Variants in GLIS1 observed in about 807,000 individuals in gnomAD.
The protein encoded by GLIS1 is GLIS family zinc finger 1.
Under a neutral mutation model 63.8 loss-of-function variants are expected in GLIS1, and 24 were observed. The ratio of observed to expected loss-of-function variants is 0.38; its 90% CI spans 0.27 to 0.53. The LOEUF (loss-of-function observed/expected upper bound fraction) is 0.53. Among genes scored for constraint, GLIS1 ranks in the 20% least tolerant of loss-of-function variants. GLIS1 has a pLI of 0.85. For missense variants in GLIS1, 1,036 were observed against 1,074.1 expected (o/e 0.96, Z 0.50); for synonymous variants, 450 against 482.5 (o/e 0.93, Z 0.88).
intron 2 of GLIS1, among the ~76,000 whole-genome samples, chr1:53,657,764 G>A (rs1645982722): frequency 6.6e-6 from 1 of 152,140 alleles, no homozygotes; most frequent in African/African-American, 2.4e-5. Context: ...GGAACACAAG[G>A]GTCACCAGGA....
chr1:53,735,765 C>A (rs562532588), intron 2 of GLIS1, among the ~76,000 whole-genome samples: 2 of 152,238 alleles, frequency 1.3e-5, no homozygotes, highest in South Asian at 2.1e-4. Context: ...GGGACTATTT[C>A]GGTGGGAGTA....
intron 3 of GLIS1, among the ~76,000 whole-genome samples, chr1:53,599,268 G>A (rs1254514700): frequency 6.6e-6 from 1 of 152,208 alleles, no homozygotes; most frequent in Non-Finnish European, 1.5e-5. Context: ...AGGTGACTGG[G>A]TTGGGTCATG....
At chr1:53,615,861 GC>G (rs1443765280) in intron 2 of GLIS1, among the ~76,000 whole-genome samples, 1 of 151,930 alleles carries the variant, frequency 6.6e-6, no homozygotes, top group Non-Finnish European at 1.5e-5. Flanking sequence ...AATAACTCAT[GC>G]CTCAGCCTTC....
intron 4 of GLIS1, among the ~76,000 whole-genome samples, chr1:53,548,326 C>T (rs952978924): frequency 6.6e-6 from 1 of 152,232 alleles, no homozygotes; most frequent in Non-Finnish European, 1.5e-5. Context: ...GGTCTGCACA[C>T]AGCACTGAGT....
At chr1:53,562,553 G>A (rs1409173533) in intron 4 of GLIS1, among the ~76,000 whole-genome samples, 9 of 152,114 alleles carry the variant, frequency 5.9e-5, no homozygotes, top group Non-Finnish European at 1.3e-4. Context: ...GCCTGTCAGA[G>A]CTGCAACCCC....
chr1:53,543,456 G>A (rs543794310), intron 4 of GLIS1, among the ~76,000 whole-genome samples: 2 of 151,916 alleles, frequency 1.3e-5, no homozygotes, highest in Admixed American at 6.5e-5. Flanking sequence ...TGAGGAGTGA[G>A]AGCAGCAGTG....
chr1:53,518,352 G>A lies in GLIS1; in HGVS notation c.1726+2282C>T, dbSNP rs183327171. ...CTGCCACCTGCTAGCTGTGGCTTGC[G>A]TGTGCCTTCTGAGGCCGACGTGAGG... On this transcript the variant is annotated intron_variant, in intron 7 of 10. Transcript: ENST00000628545. 2.0e-4 allele frequency among the ~76,000 whole-genome samples: 30 copies of A among 152,320 alleles called. No homozygotes were observed. In the East Asian group the frequency reaches 5.2e-3, roughly 26 times the overall value.
intron 2 of GLIS1, among the ~76,000 whole-genome samples, chr1:53,730,819 G>T (rs565531459): frequency 2.1e-3 from 321 of 152,254 alleles, no homozygotes; most frequent in African/African-American, 7.5e-3. Context: ...CCTTCCATAG[G>T]GGGGGTCATC....
intron 4 of GLIS1, among the ~76,000 whole-genome samples, chr1:53,541,404 A>G (rs1644641690): frequency 6.6e-6 from 1 of 152,232 alleles, no homozygotes; most frequent in Non-Finnish European, 1.5e-5. Context: ...AGCCACCCAC[A>G]TGATTGACCA....
At chr1:53,628,852 C>G (rs529511013) in intron 2 of GLIS1, among the ~76,000 whole-genome samples, 7 of 152,210 alleles carry the variant, frequency 4.6e-5, no homozygotes, top group African/African-American at 1.7e-4. Context: ...GGGTGGCCAT[C>G]GGGGAAGGCT....
chr1:53,621,850 C>T (rs549427912), intron 2 of GLIS1, among the ~76,000 whole-genome samples: 21 of 152,068 alleles, frequency 1.4e-4, no homozygotes, highest in South Asian at 4.2e-4. Context: ...GTCTCACTCT[C>T]GCCAGGTTGG....
At chr1:53,694,593 T>G (rs1229220544) in intron 2 of GLIS1, among the ~76,000 whole-genome samples, 2 of 152,180 alleles carry the variant, frequency 1.3e-5, no homozygotes, top group Non-Finnish European at 2.9e-5. Flanking sequence ...AAGCCCAAGC[T>G]GGGCAGACAC....
chr1:53,597,351 C>T lies in GLIS1; in HGVS notation c.438-2361G>A, dbSNP rs1169554936. 5.0e-5 allele frequency among the ~76,000 whole-genome samples: 7 copies of T among 141,272 alleles called. No homozygotes were observed. The East Asian group carries it at 8.1e-4, about 16-fold the overall frequency. The allele number at this position is 141,272 out of a possible 152,430, so 92.7% of individuals were successfully genotyped here. A position where few individuals can be genotyped will look rare whatever the true frequency, so the allele number is the denominator to read the frequency against. On this transcript the variant is annotated intron_variant, in intron 3 of 10. Transcript: ENST00000628545. ...TGGCGCCATTGCACTCCAGCCTGGG[C>T]GACACAGCGAGACCCAGAAAAAAAA...
chr1:53,594,028 C>T (rs1338624207), intron 4 of GLIS1, 80 bp downstream of exon 4: 15 of 1,453,368 alleles, frequency 1.0e-5, no homozygotes, highest in Admixed American at 4.5e-5. Context: ...GAGTCCCAGG[C>T]GGCCTCTCCT....
At chr1:53,676,719 C>T (rs560723287) in intron 2 of GLIS1, among the ~76,000 whole-genome samples, 2 of 152,316 alleles carry the variant, frequency 1.3e-5, no homozygotes, top group East Asian at 3.9e-4. Context: ...CAGCTTTTCA[C>T]GTGTGCGTCC....
At chr1:53,630,331 T>C (rs1453765229) in intron 2 of GLIS1, among the ~76,000 whole-genome samples, 1 of 152,096 alleles carries the variant, frequency 6.6e-6, no homozygotes, top group Non-Finnish European at 1.5e-5. Context: ...TAAATCACTG[T>C]CTGTCTCTCC....
rs570740157 is a variant in GLIS1 at position 53,660,689 on chromosome 1, C to T, written c.260-60411G>A. On this transcript the variant is annotated intron_variant, in intron 2 of 10. Coordinates refer to ENST00000628545, the MANE Select transcript of GLIS1 (RefSeq NM_001367484.1). ...AAAGGCCAGCCCCTGGGGCAGCATACAGACATGGACCCTTGAGCCACAGCT... is the reference window on the plus strand; with the variant it reads ...AAAGGCCAGCCCCTGGGGCAGCATATAGACATGGACCCTTGAGCCACAGCT... Among the ~76,000 whole-genome samples the T allele has an allele frequency of 2.0e-5, 3 of 152,320 alleles. No homozygotes were observed. In the East Asian group the frequency reaches 5.8e-4, roughly 29 times the overall value.
At position 53,616,482 on chromosome 1, in the gene GLIS1, T is replaced by G. The variant is rs1010831759; in HGVS notation, c.260-16204A>C. Among the ~76,000 whole-genome samples the G allele has an allele frequency of 2.0e-5, 3 of 152,126 alleles. No homozygotes were observed. The East Asian group carries it at 5.8e-4, about 29-fold the overall frequency. Reference sequence around the variant, plus strand: ...TAGGTAACTCCTGTGCCCACACTGGTTTTTTCCCCCTCACTGATAAAATGC... The same window carrying G: ...TAGGTAACTCCTGTGCCCACACTGGGTTTTTCCCCCTCACTGATAAAATGC... On this transcript the variant is annotated intron_variant, in intron 2 of 10. Coordinates refer to ENST00000628545, the MANE Select transcript of GLIS1 (RefSeq NM_001367484.1).
intron 4 of GLIS1, among the ~76,000 whole-genome samples, chr1:53,552,375 C>G (rs908288542): frequency 1.3e-5 from 2 of 152,120 alleles, no homozygotes; most frequent in African/African-American, 4.8e-5. Flanking sequence ...GGCAGGCAGA[C>G]AGCCAGCTCC....
Sources: allele counts gnomAD v4.1 joint callset (sites outside exome capture counted in the v4.1 genomes callset), GRCh38; gene constraint gnomAD v4.1.1; transcripts MANE v1.5; gene names NCBI Gene and HGNC (gene_info 2026-07-23, HGNC 2026-07-21).